PDE10A: variants seen among roughly 807,000 people sequenced by gnomAD.
The protein encoded by PDE10A is cAMP and cAMP-inhibited cGMP 3',5'-cyclic phosphodiesterase 10A.
In PDE10A, 39 loss-of-function variants were observed where a neutral mutation model predicts 97.7. The observed-to-expected ratio is 0.40, with a 90% CI of 0.31 to 0.52. PDE10A has a LOEUF of 0.52. Among genes scored for constraint, PDE10A ranks in the 20% least tolerant of loss-of-function variants. The probability of loss-of-function intolerance (pLI) is 0.56; values close to 1 mark genes in which losing one functional copy is unlikely to be tolerated. For synonymous variants in PDE10A, 371 were observed against 376.8 expected, an observed-to-expected ratio of 0.98 and a Z score of 0.18; for missense variants, 731 against 1,047.8, an observed-to-expected ratio of 0.70 and a Z score of 4.17.
chr6:165,480,802 G>C (rs1030784848), intron 3 of PDE10A, among the ~76,000 whole-genome samples: 1 of 152,142 alleles, frequency 6.6e-6, no homozygotes, highest in Admixed American at 6.5e-5. Context: ...GAAAATAGTG[G>C]CATACTATTT....
At chr6:165,449,273 AT>A (rs1791102640) in intron 4 of PDE10A, among the ~76,000 whole-genome samples, 1 of 152,220 alleles carries the variant, frequency 6.6e-6, no homozygotes, top group South Asian at 2.1e-4. Flanking sequence ...ATTATTGAAT[AT>A]TTTTTAAATT....
rs566927542 is a variant in PDE10A at position 165,655,614 on chromosome 6, G to C, written c.865+6333C>G. 5.3e-4 allele frequency among the ~76,000 whole-genome samples: 80 copies of C among 152,198 alleles called. No homozygotes were observed. Among genetic ancestry groups the C allele is most frequent in the African/African-American group, 1.8e-3 (76 of 41,538 alleles). On this transcript the variant is annotated intron_variant, in intron 1 of 21. Coordinates refer to ENST00000539869, the MANE Select transcript of PDE10A (RefSeq NM_001385079.1). The surrounding 1 kb of genome is among the most constrained non-coding windows in gnomAD (Gnocchi z 4.5). ...TCCAAGTTACCATTGCTCTTGTCTT[G>C]ACTATGACAGTAGCATCCATGGACT...
intron 1 of PDE10A, among the ~76,000 whole-genome samples, chr6:165,792,544 T>C (rs1778687564): frequency 6.6e-6 from 1 of 152,162 alleles, no homozygotes; most frequent in African/African-American, 2.4e-5. Context: ...TCTGTTTGGC[T>C]GGCACCTTTT....
intron 1 of PDE10A, among the ~76,000 whole-genome samples, chr6:165,831,687 G>A (rs1373593811): frequency 2.6e-5 from 4 of 151,716 alleles, no homozygotes; most frequent in Admixed American, 1.3e-4. Flanking sequence ...GGGTTTCACC[G>A]TGTTAGCCAG....
At chr6:165,923,278 C>A (rs1782808882) in intron 1 of PDE10A, among the ~76,000 whole-genome samples, 1 of 152,190 alleles carries the variant, frequency 6.6e-6, no homozygotes, top group African/African-American at 2.4e-5. Flanking sequence ...ATAATTATCC[C>A]TGGGAAATAG....
intron 1 of PDE10A, among the ~76,000 whole-genome samples, chr6:165,730,581 G>C (rs953581872): frequency 6.7e-6 from 1 of 148,508 alleles, no homozygotes; most frequent in South Asian, 2.1e-4. Context: ...GTGAAACCCG[G>C]TCTCCACTAA....
chr6:165,344,905 C>T (rs1395554006), intron 18 of PDE10A, among the ~76,000 whole-genome samples: 2 of 152,146 alleles, frequency 1.3e-5, no homozygotes, highest in African/African-American at 2.4e-5. Context: ...ATGTGAAGAT[C>T]CAAATCCCTT....
intron 1 of PDE10A, among the ~76,000 whole-genome samples, chr6:165,727,334 A>C (rs954514302): frequency 2.0e-5 from 3 of 152,234 alleles, no homozygotes; most frequent in Non-Finnish European, 4.4e-5. Context: ...GTGAGAGTCC[A>C]GTGTGCAGAG....
intron 3 of PDE10A, among the ~76,000 whole-genome samples, chr6:165,451,531 C>A (rs1791290741): frequency 6.6e-6 from 1 of 152,176 alleles, no homozygotes; most frequent in African/African-American, 2.4e-5. Context: ...GGTTACTATC[C>A]AGCTCAAAAC....
intron 1 of PDE10A, among the ~76,000 whole-genome samples, chr6:165,729,534 G>A (rs557609403): frequency 4.6e-5 from 7 of 152,230 alleles, no homozygotes; most frequent in African/African-American, 1.7e-4. Flanking sequence ...CACCCAATTT[G>A]GGCACTTGGA....
intron 1 of PDE10A, among the ~76,000 whole-genome samples, chr6:165,932,961 G>A (rs1018295706): frequency 6.6e-6 from 1 of 152,206 alleles, no homozygotes; most frequent in Non-Finnish European, 1.5e-5. Context: ...CCAAAGAGGA[G>A]GGAGAGAGCC....
At chr6:165,646,855 T>C (rs1202777749) in intron 1 of PDE10A, among the ~76,000 whole-genome samples, 1 of 152,204 alleles carries the variant, frequency 6.6e-6, no homozygotes, top group African/African-American at 2.4e-5. Flanking sequence ...CACATGCCCA[T>C]CCGACAGTAT....
At chr6:165,824,170 A>G (rs1779658927) in intron 1 of PDE10A, among the ~76,000 whole-genome samples, 1 of 152,126 alleles carries the variant, frequency 6.6e-6, no homozygotes, top group African/African-American at 2.4e-5. Context: ...TGCCTGGCAC[A>G]TAGTAGGTGT....
intron 1 of PDE10A, among the ~76,000 whole-genome samples, chr6:165,621,298 C>CAAA (rs201406861): frequency 7.2e-6 from 1 of 138,214 alleles, no homozygotes; most frequent in Admixed American, 7.4e-5. Context: ...TTTAAGCTTT[C>CAAA]AAAAAAAAAA....
intron 11 of PDE10A, 39 bp from the exon 12 acceptor site, chr6:165,416,320 T>C: frequency 8.1e-7 from 1 of 1,237,614 alleles, no homozygotes; most frequent in South Asian, 1.2e-5. Context: ...AATTAAAATA[T>C]GGACTCTGTA....
chr6:165,752,046 G>A (rs771071175), intron 1 of PDE10A, among the ~76,000 whole-genome samples: 2 of 151,044 alleles, frequency 1.3e-5, no homozygotes, highest in Admixed American at 6.6e-5. Context: ...AGGAGGCTGA[G>A]GCAGGAGAAT....
chr6:165,527,660 A>G (rs1191379862), intron 2 of PDE10A, among the ~76,000 whole-genome samples: 1 of 152,160 alleles, frequency 6.6e-6, no homozygotes. Context: ...TCTAGCCATA[A>G]AGTGGGTCAT....
chr6:165,759,550 T>C (rs1182186441), intron 1 of PDE10A, among the ~76,000 whole-genome samples: 2 of 152,212 alleles, frequency 1.3e-5, no homozygotes, highest in Non-Finnish European at 2.9e-5. Flanking sequence ...CTCTCTACAC[T>C]GAACTATGGC....
intron 1 of PDE10A, among the ~76,000 whole-genome samples, chr6:165,967,486 C>T (rs776658): frequency 0.54 from 81,823 of 152,082 alleles, 22,732 homozygotes; most frequent in East Asian, 0.83. Context: ...AACAGGAGCA[C>T]GAAACTCTGT....
Sources: gnomAD v4.1 joint callset for allele counts (sites outside exome capture counted in the v4.1 genomes callset) on GRCh38, gnomAD v4.1.1 for gene constraint, Gnocchi (gnomAD v3.1) non-coding constraint, MANE v1.5 for transcripts, NCBI Gene and HGNC (gene_info 2026-07-23, HGNC 2026-07-21) for gene names.